The following PLB1 variants were observed in gnomAD, a reference collection of about 807,000 sequenced individuals.
PLB1 encodes phospholipase B1, membrane-associated.
Under a neutral mutation model 227.4 loss-of-function variants are expected in PLB1, and 242 were observed. The observed-to-expected ratio is 1.06, with a 90% confidence interval of 0.96 to 1.18. PLB1 has a LOEUF of 1.18. Ranked by LOEUF, PLB1 falls within the 50% of genes most tolerant of loss-of-function variation. The pLI is 0.00. For synonymous variants in PLB1, 757 were observed against 682.2 expected, an observed-to-expected ratio of 1.11 and a Z score of -1.71; for missense variants, 1,858 against 1,816.3, an observed-to-expected ratio of 1.02 and a Z score of -0.42.
intron 8 of PLB1, among the ~76,000 whole-genome samples, chr2:28,530,385 G>C (rs1670857981): frequency 6.6e-6 from 1 of 152,166 alleles, no homozygotes; most frequent in Non-Finnish European, 1.5e-5. Flanking sequence ...TGATAAAAGA[G>C]CTGCAGCAAA....
intron 2 of PLB1, among the ~76,000 whole-genome samples, chr2:28,518,078 C>T (rs775604880): frequency 2.0e-5 from 3 of 152,094 alleles, no homozygotes; most frequent in African/African-American, 4.8e-5. Context: ...GACAAAATTT[C>T]GCCATGTTAG....
intron 33 of PLB1, chr2:28,595,490 A>G (rs1364973578): frequency 2.0e-5 from 3 of 152,190 alleles, no homozygotes; most frequent in Admixed American, 1.3e-4. Flanking sequence ...GGGAAACATT[A>G]CCATAACCTT....
At chr2:28,595,899 G>C (rs887954569) in intron 33 of PLB1, 2 of 152,146 alleles carry the variant, frequency 1.3e-5, no homozygotes, top group African/African-American at 4.8e-5. Context: ...ATATTTCCAA[G>C]GCCCCTTGAC....
rs778192063 is a variant in PLB1, at chr2:28,642,857, G to A, written c.4174-1G>A. On this transcript the variant is annotated splice_acceptor_variant, in intron 57 of 57. Coordinates refer to ENST00000327757, the MANE Select transcript of PLB1 (RefSeq NM_153021.5). LOFTEE classifies it high-confidence loss of function. ...CACTGACCCCCGCTCCTCCTCCACA[G>A]GAGAGCCCTTACCTCTACACCCTGC... 6.3e-7 allele frequency: 1 copy of A among 1,590,558 alleles called. No individual in the cohort carries two copies. The highest frequency in any genetic ancestry group is 8.6e-7 in the Non-Finnish European group (1 of 1,166,592).
At chr2:28,607,879 A>G (rs1163171819) in intron 43 of PLB1, among the ~76,000 whole-genome samples, 1 of 152,130 alleles carries the variant, frequency 6.6e-6, no homozygotes, top group South Asian at 2.1e-4. Flanking sequence ...CTCCCCTTCC[A>G]TTACATAACA....
chr2:28,556,320 T>G (rs1193295443), intron 17 of PLB1, among the ~76,000 whole-genome samples: 1 of 152,214 alleles, frequency 6.6e-6, no homozygotes, highest in Non-Finnish European at 1.5e-5. Flanking sequence ...GGGTGCCTCA[T>G]TCTGAGTACA....
At chr2:28,602,088 T>C in intron 38 of PLB1, 124 bp downstream of exon 38, 1 of 941,038 alleles carries the variant, frequency 1.1e-6, no homozygotes, top group Non-Finnish European at 1.7e-6. Flanking sequence ...ATGGACTCCT[T>C]CCCTTTTCAG....
chr2:28,543,289 G>A, intron 14 of PLB1, 21 bp downstream of exon 14: 1 of 1,608,186 alleles, frequency 6.2e-7, no homozygotes, highest in Non-Finnish European at 8.5e-7. Context: ...GGGGCCTGGG[G>A]TGGGGCCCAC....
intron 1 of PLB1, among the ~76,000 whole-genome samples, chr2:28,504,962 A>C (rs1667490154): frequency 6.6e-6 from 1 of 152,122 alleles, no homozygotes; most frequent in South Asian, 2.1e-4. Flanking sequence ...GAGGCCTAGG[A>C]TGAAGGTGAA....
chr2:28,499,283 G>C (rs1190017195), intron 1 of PLB1, among the ~76,000 whole-genome samples: 1 of 151,910 alleles, frequency 6.6e-6, no homozygotes, highest in Non-Finnish European at 1.5e-5. Context: ...CACCAGAAGA[G>C]CTAATGCACA....
At chr2:28,590,728 C>T (rs150866788) in intron 29 of PLB1, among the ~76,000 whole-genome samples, 1 of 152,004 alleles carries the variant, frequency 6.6e-6, no homozygotes, top group Non-Finnish European at 1.5e-5. Context: ...CTTGCCTGGG[C>T]AGGAAGGGGC....
intron 56 of PLB1, among the ~76,000 whole-genome samples, chr2:28,633,905 T>A (rs1390933384): frequency 6.6e-6 from 1 of 152,190 alleles, no homozygotes; most frequent in Non-Finnish European, 1.5e-5. Context: ...CAAGCTACAT[T>A]CCAGCTCCTT....
At chr2:28,621,058 G>A in intron 49 of PLB1, 80 bp downstream of exon 49, 1 of 1,224,212 alleles carries the variant, frequency 8.2e-7, no homozygotes, top group East Asian at 2.3e-5. Flanking sequence ...GAGGAGGGTG[G>A]TGTCCAGAAG....
intron 55 of PLB1, 22 bp from the exon 56 acceptor site, chr2:28,632,922 A>ACCTCCTTGC (rs1451265473): frequency 1.3e-6 from 2 of 1,579,630 alleles, no homozygotes. Flanking sequence ...CAGGATGATA[A>ACCTCCTTGC]CCTCCTTGCC....
intron 1 of PLB1, among the ~76,000 whole-genome samples, chr2:28,508,227 G>T (rs574351203): frequency 6.6e-6 from 1 of 152,072 alleles, no homozygotes; most frequent in Admixed American, 6.5e-5. Context: ...ATAGCCTTTG[G>T]CAGGTTTGCT....
intron 51 of PLB1, among the ~76,000 whole-genome samples, chr2:28,627,077 C>T (rs189371757): frequency 3.9e-5 from 6 of 152,176 alleles, no homozygotes; most frequent in Admixed American, 1.3e-4. Flanking sequence ...TTTATTTGGC[C>T]GGGAAAAGGC....
chr2:28,622,501 CAGTTTCAA>C (rs1328861177), intron 49 of PLB1, among the ~76,000 whole-genome samples: 1 of 152,190 alleles, frequency 6.6e-6, no homozygotes, highest in East Asian at 1.9e-4. Flanking sequence ...AATGGATCTT[CAGTTTCAA>C]AGTTTTTTTC....
chr2:28,602,223 A>G (rs941973621), intron 38 of PLB1, among the ~76,000 whole-genome samples: 1 of 152,180 alleles, frequency 6.6e-6, no homozygotes, highest in African/African-American at 2.4e-5. Flanking sequence ...GGAATTGTCT[A>G]ATGTCTCCCC....
rs74519388 is a variant in PLB1 at position 28,537,342 on chromosome 2, T to C, written c.556-977T>C. Among the ~76,000 whole-genome samples the C allele has an allele frequency of 8.2e-3, 1,255 of 152,240 alleles. 10 individuals carry two copies. Among genetic ancestry groups the C allele is most frequent in the African/African-American group, 0.028 (1,181 of 41,554 alleles). On this transcript the variant is annotated intron_variant, in intron 9 of 57. Transcript: ENST00000327757. ...CTTAGGGGACAGCCAGTCTGCTGTT[T>C]GTTAGGGGACAAACTTAGAAGTTTG...
Sources: gnomAD v4.1 joint callset for allele counts (sites outside exome capture counted in the v4.1 genomes callset) on GRCh38, gnomAD v4.1.1 for gene constraint, MANE v1.5 for transcripts, NCBI Gene and HGNC (gene_info 2026-07-23, HGNC 2026-07-21) for gene names.